Variants in SKI observed in about 807,000 individuals in gnomAD.
SKI encodes ski oncogene.
SKI carries 23 observed loss-of-function variants against 59.3 expected under a neutral mutation model. The observed-to-expected ratio is 0.39, with a 90% CI of 0.28 to 0.55. The LOEUF is 0.55. Ranked by LOEUF, SKI falls within the 20% of genes least tolerant of loss-of-function variation. The pLI is 0.67. For missense variants in SKI, 1,017 were observed against 1,038.9 expected (o/e 0.98, Z 0.29); for synonymous variants, 673 against 488.6 (o/e 1.38, Z -4.98).
chr1:2,302,783 G>A (rs891519590), intron 1 of SKI, among the ~76,000 whole-genome samples, 195 bp from the exon 2 acceptor site: 4 of 152,174 alleles, frequency 2.6e-5, no homozygotes, highest in Non-Finnish European at 5.9e-5. Context: ...TGCCTGTTGC[G>A]CGTGGCCTAA....
intron 1 of SKI, among the ~76,000 whole-genome samples, chr1:2,263,888 T>C (rs913200176): frequency 4.0e-4 from 60 of 151,014 alleles, no homozygotes; most frequent in African/African-American, 1.4e-3. Flanking sequence ...AAAAAAAGTT[T>C]CGTGGGGCTA....
chr1:2,296,673 G>C (rs543944914), intron 1 of SKI, among the ~76,000 whole-genome samples: 1 of 152,054 alleles, frequency 6.6e-6, no homozygotes, highest in African/African-American at 2.4e-5. Context: ...GCATCCTGTG[G>C]GCTGTCTTTT....
chr1:2,243,547 G>T (rs995844164), intron 1 of SKI, among the ~76,000 whole-genome samples: 2 of 152,240 alleles, frequency 1.3e-5, no homozygotes, highest in African/African-American at 4.8e-5. Flanking sequence ...GCCTTGGGAC[G>T]AGTGGGCAGA....
intron 1 of SKI, among the ~76,000 whole-genome samples, chr1:2,301,524 T>C (rs779280952): frequency 5.3e-5 from 8 of 152,114 alleles, no homozygotes; most frequent in Non-Finnish European, 7.4e-5. Context: ...GTGCACGTGC[T>C]GCAGGGGAGG....
Position 2,303,951 on chromosome 1 carries a change from G to A in SKI, c.1323G>A (p.Arg441=). The change falls in exon 4 of 7, where the codon CGG becomes CGA. Residue 441 remains arginine (R), a synonymous_variant. Coordinates refer to ENST00000378536, the MANE Select transcript of SKI (RefSeq NM_003036.4). This position sits in a 1 kb window ranked among gnomAD's most constrained non-coding sequence, Gnocchi z 5.6. ...SSPPCAAAVS[R]APEPLATCTQ... ...CTCCGTGTGCCGCCGCCGTCTCCCGGGCCCCCGAGCCTCTCGCCACTTGCA... is the reference window on the plus strand; with the variant it reads ...CTCCGTGTGCCGCCGCCGTCTCCCGAGCCCCCGAGCCTCTCGCCACTTGCA... 6.2e-7 allele frequency: 1 copy of A among 1,611,888 alleles called. No individual in the cohort carries two copies. The highest frequency in any genetic ancestry group is 1.1e-5 in the South Asian group (1 of 91,036).
Position 2,229,228 on chromosome 1 carries a change from G to A in SKI, c.462G>A (p.Thr154=), listed in dbSNP as rs1239320160. ...DELHIYCSRC[T]ADQLEILKVM... ...TCCACATCTACTGCTCGCGCTGCAC[G>A]GCCGACCAGCTGGAGATCCTCAAAG... The change falls in exon 1 of 7, where the codon ACG becomes ACA. Residue 154 remains threonine (T), a synonymous_variant. Transcript: ENST00000378536. This position sits in a 1 kb window ranked among gnomAD's most constrained non-coding sequence, Gnocchi z 6.3. The A allele has an allele frequency of 6.2e-7, 1 of 1,607,198 alleles. No individual in the cohort carries two copies. The highest frequency in any genetic ancestry group is 8.5e-7 in the Non-Finnish European group (1 of 1,177,426).
intron 1 of SKI, among the ~76,000 whole-genome samples, chr1:2,271,914 G>A (rs949913839): frequency 1.3e-5 from 2 of 152,210 alleles, no homozygotes; most frequent in Admixed American, 6.5e-5. Context: ...GATGCATCTG[G>A]TCCTGGCCCG....
At chr1:2,272,095 C>T (rs1462027709) in intron 1 of SKI, among the ~76,000 whole-genome samples, 1 of 152,216 alleles carries the variant, frequency 6.6e-6, no homozygotes, top group Admixed American at 6.5e-5. Context: ...GGCCTGCGTC[C>T]TGCAAAGAGG....
chr1:2,256,093 C>G (rs1639268404), intron 1 of SKI, among the ~76,000 whole-genome samples: 1 of 151,286 alleles, frequency 6.6e-6, no homozygotes, highest in Non-Finnish European at 1.5e-5. Context: ...GTACTGACCT[C>G]ATTTCCTGTC....
At chr1:2,253,188 C>T (rs1639199165) in intron 1 of SKI, among the ~76,000 whole-genome samples, 1 of 152,318 alleles carries the variant, frequency 6.6e-6, no homozygotes, top group East Asian at 1.9e-4. Flanking sequence ...GAGTCCAGCA[C>T]CCGCCTGCAG....
In SKI at chr1:2,303,833, C is replaced by T. The variant is rs1640489418; in HGVS notation, c.1212-7C>T. 1.2e-6 allele frequency: 2 copies of T among 1,612,360 alleles called. No individual in the cohort carries two copies. Among genetic ancestry groups the T allele is most frequent in the Non-Finnish European group, 1.7e-6 (2 of 1,179,720 alleles). ...GGCACCTTCCCGACACCCGCCTGCC[C>T]CTCCAGCTTCTACTCCTACAAGAGC... On this transcript the variant is annotated splice_region_variant and splice_polypyrimidine_tract_variant and intron_variant, in intron 3 of 6. Coordinates refer to ENST00000378536, the MANE Select transcript of SKI (RefSeq NM_003036.4). The surrounding 1 kb of genome is among the most constrained non-coding windows in gnomAD (Gnocchi z 5.6).
chr1:2,239,994 A>G (rs893092540), intron 1 of SKI, among the ~76,000 whole-genome samples: 1 of 151,474 alleles, frequency 6.6e-6, no homozygotes, highest in African/African-American at 2.4e-5. Flanking sequence ...TGGGTTTTTA[A>G]TTTTCCCAGC....
chr1:2,237,301 C>T (rs1171834932), intron 1 of SKI, among the ~76,000 whole-genome samples: 1 of 152,238 alleles, frequency 6.6e-6, no homozygotes, highest in Non-Finnish European at 1.5e-5. Context: ...TGTCCACGCC[C>T]TGTGTGTATC....
intron 1 of SKI, among the ~76,000 whole-genome samples, chr1:2,234,054 G>A (rs1017225543): frequency 6.6e-6 from 1 of 152,210 alleles, no homozygotes; most frequent in African/African-American, 2.4e-5. Context: ...CCATGCTCTG[G>A]GGTCAGGCTC....
In SKI at chr1:2,309,264, C is replaced by CT. The variant is rs1479990400; in HGVS notation, c.*2500dup. ...TCCGCTGTGTGGGCTGCTGACTCCT[C>CT]TGTGTGTGAGGCCCTTCATCTAAGT... is the stretch of plus-strand genomic sequence containing the variant. On this transcript the variant is annotated 3_prime_UTR_variant, in exon 7 of 7. Coordinates refer to ENST00000378536, the MANE Select transcript of SKI (RefSeq NM_003036.4). 4 of 152,326 alleles carry CT rather than the reference C, an allele frequency of 2.6e-5. No homozygotes were observed. The East Asian group carries it at 7.7e-4, about 29-fold the overall frequency. 9.4% of individuals were successfully genotyped at this position (152,326 alleles called of 1,614,324 possible). A position where few individuals can be genotyped will look rare whatever the true frequency, so the allele number is the denominator to read the frequency against.
chr1:2,285,713 G>A (rs558780844), intron 1 of SKI, among the ~76,000 whole-genome samples: 45 of 149,022 alleles, frequency 3.0e-4, no homozygotes, highest in Non-Finnish European at 6.0e-4. Flanking sequence ...ACAGGTGCCC[G>A]CCACCATGCC....
In SKI at chr1:2,309,912, G is replaced by A. The variant is rs1447798454; in HGVS notation, c.*3147G>A. On this transcript the variant is annotated 3_prime_UTR_variant, in exon 7 of 7. Coordinates refer to ENST00000378536, the MANE Select transcript of SKI (RefSeq NM_003036.4). ...AGGGTCCAGGGAGATGTTCGTTCTC[G>A]CTTTAAGTCAGGAGTCACAAATGAC... The A allele has an allele frequency of 1.2e-5, 1 of 80,062 alleles. No homozygotes were observed. The highest frequency in any genetic ancestry group is 5.2e-5 in the African/African-American group (1 of 19,410). The allele number at this position is 80,062 out of a possible 1,614,324, so 5.0% of individuals were successfully genotyped here.
intron 1 of SKI, among the ~76,000 whole-genome samples, chr1:2,249,188 G>T (rs75086328): frequency 1.3e-5 from 2 of 152,208 alleles, no homozygotes; most frequent in East Asian, 3.9e-4. Context: ...TGGGCGTGCA[G>T]GGTGTGTCTG....
Position 2,308,640 on chromosome 1 carries a change from A to G in SKI, c.*1875A>G, listed in dbSNP as rs1000875297. The G allele has an allele frequency of 2.0e-5, 3 of 152,112 alleles. No individual in the cohort carries two copies. Among genetic ancestry groups the G allele is most frequent in the African/African-American group, 7.2e-5 (3 of 41,408 alleles). The allele number at this position is 152,112 out of a possible 1,614,324, so 9.4% of individuals were successfully genotyped here. A position where few individuals can be genotyped will look rare whatever the true frequency, so the allele number is the denominator to read the frequency against. On this transcript the variant is annotated 3_prime_UTR_variant, in exon 7 of 7. Transcript: ENST00000378536. ...CAGTTATTTCTTCAAGGGAAACTAA[A>G]TGATTTAGTTGGAGCAAAGCTTTAA...
Sources: allele counts gnomAD v4.1 joint callset (sites outside exome capture counted in the v4.1 genomes callset), GRCh38; gene constraint gnomAD v4.1.1; non-coding constraint Gnocchi (gnomAD v3.1); transcripts MANE v1.5; gene names NCBI Gene and HGNC (gene_info 2026-07-23, HGNC 2026-07-21).